PTPRJ: variants seen among roughly 807,000 people sequenced by gnomAD.
PTPRJ encodes the protein protein tyrosine phosphatase receptor type J, also known as receptor-type tyrosine-protein phosphatase eta.
PTPRJ carries 129 observed loss-of-function variants against 141.3 expected under a neutral mutation model. That is an observed-to-expected ratio of 0.91 (90% CI 0.79 to 1.06). PTPRJ has a LOEUF of 1.06. Among genes scored for constraint, PTPRJ ranks in the 50% least tolerant of loss-of-function variants. PTPRJ has a pLI of 0.00. For synonymous variants in PTPRJ, 610 were observed against 640.5 expected (o/e 0.95, Z 0.72); for missense variants, 1,601 against 1,679.7 (o/e 0.95, Z 0.82).
At chr11:47,998,665 C>G (rs2134187428) in intron 1 of PTPRJ, among the ~76,000 whole-genome samples, 1 of 152,300 alleles carries the variant, frequency 6.6e-6, no homozygotes, top group East Asian at 1.9e-4. Flanking sequence ...TGCAGTGCCC[C>G]CGGCAAGGTG....
At chr11:48,104,879 T>C (rs1856246404) in intron 1 of PTPRJ, among the ~76,000 whole-genome samples, 1 of 152,182 alleles carries the variant, frequency 6.6e-6, no homozygotes, top group Non-Finnish European at 1.5e-5. Flanking sequence ...AGGGTCCGAT[T>C]GACCTTGGGC....
chr11:48,059,876 G>C (rs1300664087), intron 1 of PTPRJ, among the ~76,000 whole-genome samples: 1 of 152,214 alleles, frequency 6.6e-6, no homozygotes, highest in African/African-American at 2.4e-5. Flanking sequence ...TCAAGAATCT[G>C]TGCTCTTACC....
At chr11:48,032,651 C>T (rs552558034) in intron 1 of PTPRJ, among the ~76,000 whole-genome samples, 3 of 152,204 alleles carry the variant, frequency 2.0e-5, no homozygotes, top group East Asian at 1.9e-4. Context: ...CCCAGCTACT[C>T]GGGAGGCTGA....
intron 1 of PTPRJ, among the ~76,000 whole-genome samples, chr11:48,107,280 T>A (rs1016694151): frequency 6.6e-6 from 1 of 150,806 alleles, no homozygotes; most frequent in African/African-American, 2.4e-5. Flanking sequence ...AAGAAAGAGT[T>A]CGACTTATCA....
intron 1 of PTPRJ, among the ~76,000 whole-genome samples, chr11:48,055,015 GTC>G (rs1291650515): frequency 6.6e-6 from 1 of 151,884 alleles, no homozygotes; most frequent in Non-Finnish European, 1.5e-5. Context: ...GTGAAACCCT[GTC>G]TCTATAAAAC....
At chr11:48,073,914 A>G (rs989227504) in intron 1 of PTPRJ, among the ~76,000 whole-genome samples, 10 of 152,230 alleles carry the variant, frequency 6.6e-5, no homozygotes, top group Non-Finnish European at 1.3e-4. Context: ...TATATTTTAC[A>G]TGACAAAATT....
intron 19 of PTPRJ, among the ~76,000 whole-genome samples, chr11:48,155,056 T>C (rs1857569880): frequency 6.6e-6 from 1 of 152,232 alleles, no homozygotes; most frequent in South Asian, 2.1e-4. Context: ...TGGCTCAGCC[T>C]GACACTTGCA....
At chr11:48,100,743 G>A (rs143938739) in intron 1 of PTPRJ, among the ~76,000 whole-genome samples, 2 of 152,290 alleles carry the variant, frequency 1.3e-5, no homozygotes, top group East Asian at 1.9e-4. Flanking sequence ...TTAGCTGGGT[G>A]TAGTGGCACA....
intron 3 of PTPRJ, among the ~76,000 whole-genome samples, chr11:48,119,998 A>G (rs1467308215): frequency 6.6e-6 from 1 of 152,234 alleles, no homozygotes; most frequent in Non-Finnish European, 1.5e-5. Flanking sequence ...TGATGAAACT[A>G]AGGTTCAGAG....
intron 1 of PTPRJ, among the ~76,000 whole-genome samples, chr11:48,041,468 A>C (rs1854271698): frequency 6.6e-6 from 1 of 152,196 alleles, no homozygotes; most frequent in Non-Finnish European, 1.5e-5. Flanking sequence ...TTCATCACAA[A>C]AATAAAGAAA....
chr11:47,996,334 C>CA (rs1292092161), intron 1 of PTPRJ, among the ~76,000 whole-genome samples: 3,095 of 55,156 alleles, frequency 0.056, 191 homozygotes, highest in African/African-American at 0.16. Flanking sequence ...GACTCTGTCT[C>CA]AAAAAAAAAA....
intron 1 of PTPRJ, among the ~76,000 whole-genome samples, chr11:48,047,047 C>T (rs1854425103): frequency 6.6e-6 from 1 of 150,816 alleles, no homozygotes. Flanking sequence ...TCCTGAGTAG[C>T]TGGGATTACA....
chr11:48,107,631 C>T (rs1355815718), intron 1 of PTPRJ, among the ~76,000 whole-genome samples: 1 of 152,208 alleles, frequency 6.6e-6, no homozygotes, highest in Non-Finnish European at 1.5e-5. Context: ...TCATCTGTAC[C>T]AGTGACTTTG....
chr11:48,026,789 A>G (rs1235307282), intron 1 of PTPRJ, among the ~76,000 whole-genome samples: 1 of 151,448 alleles, frequency 6.6e-6, no homozygotes, highest in Non-Finnish European at 1.5e-5. Context: ...ATTTTGGTGC[A>G]CCCATCACCT....
chr11:48,114,573 C>T (rs1173091699), intron 3 of PTPRJ, among the ~76,000 whole-genome samples: 5 of 151,750 alleles, frequency 3.3e-5, no homozygotes, highest in Admixed American at 2.6e-4. Flanking sequence ...TGTTGAAGGG[C>T]ATTTCCAGAG....
chr11:48,146,998 A>T, intron 15 of PTPRJ, 35 bp downstream of exon 15: 2 of 1,563,222 alleles, frequency 1.3e-6, no homozygotes, highest in South Asian at 2.2e-5. Flanking sequence ...ATACTCTGGT[A>T]TTTAAGGAAG....
rs537933946 is a variant in PTPRJ at position 48,010,358 on chromosome 11, T to C, written c.96+29350T>C. Reference sequence around the variant, plus strand: ...ACGCCCGGCTTATTTTTTATATTTTTAGTAGAGATAGGGTTTCGCCATGTT... The same window carrying C: ...ACGCCCGGCTTATTTTTTATATTTTCAGTAGAGATAGGGTTTCGCCATGTT... On this transcript the variant is annotated intron_variant, in intron 1 of 24. Coordinates refer to ENST00000418331, the MANE Select transcript of PTPRJ (RefSeq NM_002843.4). 2.6e-5 allele frequency among the ~76,000 whole-genome samples: 4 copies of C among 151,702 alleles called. No homozygotes were observed. The South Asian group carries it at 8.3e-4, about 32-fold the overall frequency.
At chr11:48,026,689 C>G (rs988681703) in intron 1 of PTPRJ, among the ~76,000 whole-genome samples, 2 of 151,998 alleles carry the variant, frequency 1.3e-5, no homozygotes, top group African/African-American at 2.4e-5. Flanking sequence ...ACCTTGTGAT[C>G]CGCCTGCCTT....
At chr11:48,132,285 C>T in intron 8 of PTPRJ, 1 of 984,520 alleles carries the variant, frequency 1.0e-6, no homozygotes, top group Non-Finnish European at 1.2e-6. Context: ...CCCATCGTCC[C>T]AGCTACTTGA....
Sources: allele counts gnomAD v4.1 joint callset (sites outside exome capture counted in the v4.1 genomes callset), GRCh38; gene constraint gnomAD v4.1.1; transcripts MANE v1.5; gene names NCBI Gene and HGNC (gene_info 2026-07-23, HGNC 2026-07-21).